Variants in STXBP5L observed in about 807,000 individuals in gnomAD.
The protein encoded by STXBP5L is syntaxin-binding protein 5-like.
In STXBP5L, 65 loss-of-function variants were observed where a neutral mutation model predicts 144.5. The ratio of observed to expected loss-of-function variants is 0.45; its 90% CI spans 0.37 to 0.55. STXBP5L has a LOEUF of 0.55. STXBP5L is among the 20% of genes least tolerant of loss of function. The pLI, the probability that STXBP5L is intolerant of heterozygous loss-of-function variation, is 0.00. For synonymous variants in STXBP5L, 505 were observed against 469.6 expected, an observed-to-expected ratio of 1.08 and a Z score of -0.97; for missense variants, 1,298 against 1,405.5, an observed-to-expected ratio of 0.92 and a Z score of 1.22.
chr3:121,044,116 T>C (rs1947346414), intron 4 of STXBP5L, among the ~76,000 whole-genome samples: 1 of 152,124 alleles, frequency 6.6e-6, no homozygotes, highest in Non-Finnish European at 1.5e-5. Context: ...TTGAAGGAAA[T>C]TATCTGAGTT....
Position 121,344,213 on chromosome 3 carries a change from T to G in STXBP5L, c.2176+25673T>G, listed in dbSNP as rs576702093. On this transcript the variant is annotated intron_variant, in intron 20 of 26. Coordinates refer to ENST00000471454, the MANE Select transcript of STXBP5L (RefSeq NM_001308330.2). The stretch of plus-strand genomic sequence containing the variant: ...CTAGCCATATGTAGAAAGCTGAAAC[T>G]GGATCCCTTCCTTACACCTTATACA... 3.6e-4 allele frequency among the ~76,000 whole-genome samples: 55 copies of G among 152,272 alleles called. 2 individuals carry two copies. The highest frequency in any genetic ancestry group is 1.3e-3 in the African/African-American group (52 of 41,562).
chr3:121,215,836 C>T (rs2048757000), intron 10 of STXBP5L, among the ~76,000 whole-genome samples: 1 of 152,208 alleles, frequency 6.6e-6, no homozygotes, highest in Non-Finnish European at 1.5e-5. Flanking sequence ...CTTTCAAGTA[C>T]ACCAATCAAA....
At chr3:120,909,272 C>T in intron 1 of STXBP5L, 2 of 290,876 alleles carry the variant, frequency 6.9e-6, no homozygotes, top group South Asian at 4.0e-5. Context: ...TTATTTTTAC[C>T]CCAGTGCTGA....
At chr3:121,121,731 A>C in intron 7 of STXBP5L, 27 bp downstream of exon 7, 2 of 1,524,820 alleles carry the variant, frequency 1.3e-6, no homozygotes, top group Non-Finnish European at 1.8e-6. Context: ...CTTTATTATT[A>C]GTTTTATTTT....
intron 3 of STXBP5L, among the ~76,000 whole-genome samples, chr3:120,993,246 C>T (rs1199365545): frequency 6.6e-6 from 1 of 152,104 alleles, no homozygotes; most frequent in Non-Finnish European, 1.5e-5. Context: ...AATATGTTCT[C>T]TTATTGAACA....
At chr3:121,126,965 A>G (rs3856576) in intron 7 of STXBP5L, among the ~76,000 whole-genome samples, 18,249 of 152,016 alleles carry the variant, frequency 0.12, 1,149 homozygotes, top group Non-Finnish European at 0.14. Context: ...CACAACTGGG[A>G]AACGTTCTTC....
Position 121,371,895 on chromosome 3 carries a change from C to T in STXBP5L, c.2177-6821C>T, listed in dbSNP as rs142276419. On this transcript the variant is annotated intron_variant, in intron 20 of 26. Coordinates refer to ENST00000471454, the MANE Select transcript of STXBP5L (RefSeq NM_001308330.2). Reference sequence around the variant, plus strand: ...AATGCTTCAACAACAATGGTGGTACCGCTGGGAGAAGTGGGACAAGGTGCA... The same window carrying T: ...AATGCTTCAACAACAATGGTGGTACTGCTGGGAGAAGTGGGACAAGGTGCA... 4.6e-5 allele frequency among the ~76,000 whole-genome samples: 7 copies of T among 152,258 alleles called. No homozygotes were observed. The East Asian group carries it at 7.7e-4, about 17-fold the overall frequency.
At chr3:121,149,788 T>A (rs1253352380) in intron 7 of STXBP5L, among the ~76,000 whole-genome samples, 4 of 152,058 alleles carry the variant, frequency 2.6e-5, no homozygotes, top group Admixed American at 2.6e-4. Context: ...GATATAAACA[T>A]ATACTCGAAT....
At chr3:121,063,647 C>A (rs1168739421) in intron 5 of STXBP5L, among the ~76,000 whole-genome samples, 1 of 152,168 alleles carries the variant, frequency 6.6e-6, no homozygotes, top group African/African-American at 2.4e-5. Flanking sequence ...TATGTATAAG[C>A]CCCAGACTGG....
At chr3:121,093,476 C>T (rs1270862186) in intron 5 of STXBP5L, among the ~76,000 whole-genome samples, 1 of 152,158 alleles carries the variant, frequency 6.6e-6, no homozygotes, top group South Asian at 2.1e-4. Flanking sequence ...TTCAGAGATT[C>T]AACTTCTTCC....
rs909086608 is a variant in STXBP5L, at chr3:121,420,406, G to A, written c.*1309G>A. 6 of 151,746 alleles carry A rather than the reference G, an allele frequency of 4.0e-5. No homozygotes were observed. The highest frequency in any genetic ancestry group is 1.5e-5 in the Non-Finnish European group (1 of 67,896). The allele number at this position is 151,746 out of a possible 1,614,324, so 9.4% of individuals were successfully genotyped here. A position where few individuals can be genotyped will look rare whatever the true frequency, so the allele number is the denominator to read the frequency against. Reference sequence around the variant, plus strand: ...ACAAAATCAATGCTTTTGTCCCTAGGTCAAATAATATAAGCCACTAGATTA... The same window carrying A: ...ACAAAATCAATGCTTTTGTCCCTAGATCAAATAATATAAGCCACTAGATTA... On this transcript the variant is annotated 3_prime_UTR_variant, in exon 27 of 27. Coordinates refer to ENST00000471454, the MANE Select transcript of STXBP5L (RefSeq NM_001308330.2).
chr3:121,267,128 G>C (rs1030468734), intron 18 of STXBP5L, among the ~76,000 whole-genome samples: 3 of 152,112 alleles, frequency 2.0e-5, no homozygotes, highest in African/African-American at 7.2e-5. Flanking sequence ...AAAGAACAAA[G>C]CTGGAGGCAT....
intron 3 of STXBP5L, among the ~76,000 whole-genome samples, chr3:120,996,099 A>T (rs142884904): frequency 1.3e-5 from 2 of 152,244 alleles, no homozygotes; most frequent in Admixed American, 1.3e-4. Flanking sequence ...CTATAGTTTC[A>T]GAAGAGAGAC....
At chr3:121,003,442 C>A (rs1943964467) in intron 3 of STXBP5L, among the ~76,000 whole-genome samples, 2 of 152,268 alleles carry the variant, frequency 1.3e-5, no homozygotes, top group South Asian at 4.1e-4. Context: ...ATTGTAGATT[C>A]TGGATATTAG....
chr3:121,202,946 A>G (rs2048194111), intron 9 of STXBP5L, among the ~76,000 whole-genome samples: 1 of 151,974 alleles, frequency 6.6e-6, no homozygotes, highest in Admixed American at 6.6e-5. Flanking sequence ...GTTTTCAACC[A>G]TTATTTTAAA....
chr3:121,329,877 G>A (rs1390727085), intron 20 of STXBP5L, among the ~76,000 whole-genome samples: 2 of 151,376 alleles, frequency 1.3e-5, no homozygotes, highest in Admixed American at 1.3e-4. Context: ...TCCTCTTGCC[G>A]AATTAAAGAA....
chr3:121,296,122 C>T (rs1379966759), intron 19 of STXBP5L, among the ~76,000 whole-genome samples: 34 of 152,178 alleles, frequency 2.2e-4, no homozygotes. Context: ...TTATTACATA[C>T]TTTCTGATGA....
intron 4 of STXBP5L, among the ~76,000 whole-genome samples, chr3:121,044,143 T>A (rs1947348282): frequency 6.6e-6 from 1 of 152,184 alleles, no homozygotes; most frequent in Non-Finnish European, 1.5e-5. Context: ...AAGATGTATA[T>A]ATCAATATAT....
chr3:120,938,102 GAT>G (rs1157776337), intron 2 of STXBP5L, among the ~76,000 whole-genome samples: 1 of 151,782 alleles, frequency 6.6e-6, no homozygotes, highest in African/African-American at 2.4e-5. Context: ...ATTTTACCTA[GAT>G]ATAACCATCA....
Sources: gnomAD v4.1 joint callset for allele counts (sites outside exome capture counted in the v4.1 genomes callset) on GRCh38, gnomAD v4.1.1 for gene constraint, MANE v1.5 for transcripts, NCBI Gene and HGNC (gene_info 2026-07-23, HGNC 2026-07-21) for gene names.